The following BMPR2 variants were observed in gnomAD, a reference collection of about 807,000 sequenced individuals.
The protein encoded by BMPR2 is bone morphogenetic protein receptor type 2.
Under a neutral mutation model 100.8 loss-of-function variants are expected in BMPR2, and 29 were observed. The observed-to-expected ratio is 0.29, with a 90% CI of 0.21 to 0.39. BMPR2 has a LOEUF of 0.39. BMPR2 is among the 10% of genes least tolerant of loss of function. BMPR2 has a pLI of 1.00. For missense variants in BMPR2, 1,011 were observed against 1,274.5 expected, an observed-to-expected ratio of 0.79 and a Z score of 3.15; for synonymous variants, 382 against 442.3, an observed-to-expected ratio of 0.86 and a Z score of 1.71.
intron 1 of BMPR2, among the ~76,000 whole-genome samples, chr2:202,445,017 A>G (rs1429185473): frequency 6.7e-6 from 1 of 150,182 alleles, no homozygotes; most frequent in African/African-American, 2.5e-5. Flanking sequence ...CGAACTCCCG[A>G]CATCAGGTGA....
At chr2:202,542,665 G>C (rs1688298585) in intron 10 of BMPR2, among the ~76,000 whole-genome samples, 1 of 151,998 alleles carries the variant, frequency 6.6e-6, no homozygotes. Context: ...ATACTATTTA[G>C]AGAGAATAAC....
chr2:202,559,626 G>C, intron 12 of BMPR2, 70 bp from the exon 13 acceptor site: 1 of 1,534,552 alleles, frequency 6.5e-7, no homozygotes, highest in African/African-American at 1.4e-5. Context: ...ACCTTTTCTT[G>C]AGTTACATCC....
chr2:202,470,206 C>G (rs760854935), intron 3 of BMPR2, among the ~76,000 whole-genome samples: 5 of 151,684 alleles, frequency 3.3e-5, no homozygotes, highest in Non-Finnish European at 5.9e-5. Flanking sequence ...GCTGGGTGTG[C>G]TGGTGCATGC....
intron 3 of BMPR2, among the ~76,000 whole-genome samples, chr2:202,475,760 A>G (rs978152826): frequency 3.9e-5 from 6 of 152,208 alleles, no homozygotes; most frequent in Admixed American, 1.3e-4. Context: ...AACTCAGTGG[A>G]AGCTTTTCGT....
In BMPR2 at chr2:202,555,300, T is replaced by G. The variant is rs765565518; in HGVS notation, c.1635T>G (p.Asp545Glu). 6.2e-6 allele frequency: 10 copies of G among 1,614,228 alleles called. No homozygotes were observed. The South Asian group carries it at 1.1e-4, about 18-fold the overall frequency. The stretch of plus-strand genomic sequence containing the variant: ...TGCCAAAAATTGGTCCTTATCCAGA[T>G]TATTCTTCCTCCTCATACATTGAAG... ...RRVPKIGPYP[D>E]YSSSSYIEDS... Residue 545 changes from aspartate (D) to glutamate (E), a missense_variant, in exon 12 of 13, where the codon GAT becomes GAG. Asp to Glu is a conservative substitution (Grantham distance 45, BLOSUM62 2). Transcript: ENST00000374580.
intron 6 of BMPR2, among the ~76,000 whole-genome samples, chr2:202,519,675 T>C (rs1687785832): frequency 6.6e-6 from 1 of 152,228 alleles, no homozygotes; most frequent in African/African-American, 2.4e-5. Context: ...TAATAGTTTG[T>C]AGATAAGCAC....
At chr2:202,419,261 T>A (rs1449112846) in intron 1 of BMPR2, among the ~76,000 whole-genome samples, 1 of 152,272 alleles carries the variant, frequency 6.6e-6, no homozygotes, top group East Asian at 1.9e-4. Context: ...GCGATTCACT[T>A]ATTTAAAATG....
chr2:202,547,783 A>C (rs1038194574), intron 10 of BMPR2, among the ~76,000 whole-genome samples: 11 of 92,580 alleles, frequency 1.2e-4, no homozygotes, highest in Non-Finnish European at 2.0e-4. Context: ...ATCCATCACA[A>C]AAAAAAAAAA....
chr2:202,546,821 C>T (rs1367041590), intron 10 of BMPR2, among the ~76,000 whole-genome samples: 1 of 152,166 alleles, frequency 6.6e-6, no homozygotes, highest in Admixed American at 6.5e-5. Context: ...TCAGGCTGGT[C>T]TTGAACTCCT....
At chr2:202,514,057 C>T (rs538680504) in intron 4 of BMPR2, among the ~76,000 whole-genome samples, 3 of 152,062 alleles carry the variant, frequency 2.0e-5, no homozygotes, top group Admixed American at 6.5e-5. Flanking sequence ...TATCATATAT[C>T]TGTAAATATT....
At chr2:202,439,425 ATG>A (rs1172643761) in intron 1 of BMPR2, among the ~76,000 whole-genome samples, 1 of 146,514 alleles carries the variant, frequency 6.8e-6, no homozygotes, top group Non-Finnish European at 1.5e-5. Context: ...ATTTGTTTAT[ATG>A]CAAATCCTAA....
intron 3 of BMPR2, among the ~76,000 whole-genome samples, chr2:202,485,981 C>T (rs984864301): frequency 6.6e-6 from 1 of 151,964 alleles, no homozygotes; most frequent in Admixed American, 6.6e-5. Context: ...TAAAGAACTG[C>T]CATTGGCCTT....
chr2:202,514,856 A>G (rs759488444), intron 4 of BMPR2, 32 bp from the exon 5 acceptor site: 30 of 1,532,316 alleles, frequency 2.0e-5, no homozygotes, highest in Non-Finnish European at 2.5e-5. Flanking sequence ...TAAGAAAACC[A>G]TATATTAGTA....
At chr2:202,443,051 G>T (rs1049439778) in intron 1 of BMPR2, among the ~76,000 whole-genome samples, 1 of 150,528 alleles carries the variant, frequency 6.6e-6, no homozygotes, top group Non-Finnish European at 1.5e-5. Context: ...AATAGGGCTG[G>T]TTCCTTTATA....
At chr2:202,458,234 T>A (rs1474759563) in intron 1 of BMPR2, among the ~76,000 whole-genome samples, 1 of 134,980 alleles carries the variant, frequency 7.4e-6, no homozygotes, top group Non-Finnish European at 1.5e-5. Flanking sequence ...ATCACTTGAG[T>A]CCAGGAGTTT....
At chr2:202,463,192 G>A (rs1663926711) in intron 1 of BMPR2, among the ~76,000 whole-genome samples, 1 of 152,094 alleles carries the variant, frequency 6.6e-6, no homozygotes, top group African/African-American at 2.4e-5. Flanking sequence ...CAAGAACAGT[G>A]GTTTCCTGGG....
chr2:202,482,733 G>T (rs919760955), intron 3 of BMPR2, among the ~76,000 whole-genome samples: 20 of 152,166 alleles, frequency 1.3e-4, no homozygotes, highest in Admixed American at 9.8e-4. Flanking sequence ...TAGAGACAGG[G>T]TATCACCATG....
rs1559062826 is a variant in BMPR2, at chr2:202,518,866, G to T, written c.666G>T (p.Leu222Phe). ...ATGGAGCAGTATATAAAGGCTCCTT[G>T]GATGAGCGTCCAGTTGCTGTAAAAG... ...GRYGAVYKGS[L>F]DERPVAVKVF... The change falls in exon 6 of 13, where the codon TTG becomes TTT. Residue 222 changes from leucine (L) to phenylalanine (F), a missense_variant. Leu to Phe is a conservative substitution (Grantham distance 22, BLOSUM62 0). Coordinates refer to ENST00000374580, the MANE Select transcript of BMPR2 (RefSeq NM_001204.7). 6.2e-7 allele frequency: 1 copy of T among 1,614,198 alleles called. No homozygotes were observed. The highest frequency in any genetic ancestry group is 8.5e-7 in the Non-Finnish European group (1 of 1,180,038).
chr2:202,395,933 A>G (rs909728365), intron 1 of BMPR2, among the ~76,000 whole-genome samples: 1 of 152,012 alleles, frequency 6.6e-6, no homozygotes, highest in Non-Finnish European at 1.5e-5. Context: ...GTGAAACTCC[A>G]TCTCAAAACA....
Sources: gnomAD v4.1 joint callset for allele counts (sites outside exome capture counted in the v4.1 genomes callset) on GRCh38, gnomAD v4.1.1 for gene constraint, MANE v1.5 for transcripts, NCBI Gene and HGNC (gene_info 2026-07-23, HGNC 2026-07-21) for gene names.